The following GPHN variants were observed in gnomAD, a reference collection of about 807,000 sequenced individuals.
The protein encoded by GPHN is gephyrin.
GPHN carries 17 observed loss-of-function variants against 95.5 expected under a neutral mutation model. The ratio of observed to expected loss-of-function variants is 0.18; its 90% CI spans 0.12 to 0.27. The LOEUF is 0.27. Among genes scored for constraint, GPHN ranks in the 10% least tolerant of loss-of-function variants. The pLI is 1.00. For missense variants in GPHN, 660 were observed against 978.1 expected (o/e 0.67, Z 4.34); for synonymous variants, 320 against 322.5 (o/e 0.99, Z 0.08).
chr14:67,680,676 C>T, the GPHN span, among the ~76,000 whole-genome samples: 41 of 152,216 alleles, frequency 2.7e-4, no homozygotes, highest in African/African-American at 7.2e-4. Context: ...CTAGGCTGGT[C>T]TTGAACTCCT....
chr14:66,689,769 T>G (rs1209114605), intron 2 of GPHN, among the ~76,000 whole-genome samples: 1 of 152,148 alleles, frequency 6.6e-6, no homozygotes, highest in African/African-American at 2.4e-5. Flanking sequence ...TGTGGTAGGT[T>G]GTTTGTGTCC....
chr14:66,528,329 A>C lies in GPHN; in HGVS notation c.64+19738A>C, dbSNP rs574493798. 4.1e-3 allele frequency among the ~76,000 whole-genome samples: 627 copies of C among 152,006 alleles called. 1 individual carries two copies. Among genetic ancestry groups the C allele is most frequent in the Non-Finnish European group, 5.1e-3 (349 of 67,972 alleles). ...CCATTTGCTGTGTAAATATTCCTTCATCCCTTTATTTTTAGCCTATGTGTG... is the reference window on the plus strand; with the variant it reads ...CCATTTGCTGTGTAAATATTCCTTCCTCCCTTTATTTTTAGCCTATGTGTG... On this transcript the variant is annotated intron_variant, in intron 1 of 22. Coordinates refer to ENST00000478722, the MANE Select transcript of GPHN (RefSeq NM_020806.5).
At chr14:66,514,659 AATG>A (rs773324970) in intron 1 of GPHN, among the ~76,000 whole-genome samples, 6 of 152,124 alleles carry the variant, frequency 3.9e-5, no homozygotes, top group Non-Finnish European at 5.9e-5. Flanking sequence ...GAAATAGAAT[AATG>A]ATCAAAGAAG....
the GPHN span, chr14:67,333,660 T>C: frequency 6.6e-6 from 1 of 152,638 alleles, no homozygotes; most frequent in African/African-American, 2.4e-5. Flanking sequence ...ATACAAAATA[T>C]GCTGATCTTT....
At chr14:66,747,911 G>T (rs1388107887) in intron 2 of GPHN, among the ~76,000 whole-genome samples, 1 of 147,856 alleles carries the variant, frequency 6.8e-6, no homozygotes, top group African/African-American at 2.5e-5. Context: ...GTGAACTATA[G>T]TGTTAACATT....
intron 1 of GPHN, among the ~76,000 whole-genome samples, chr14:66,599,391 C>CTTTTTTTTTTTTTTTTTTTTTTTT (rs1566679513): frequency 2.7e-5 from 2 of 74,046 alleles, no homozygotes; most frequent in African/African-American, 3.2e-4. Flanking sequence ...TTTTTTTTTG[C>CTTTTTTTTTTTTTTTTTTTTTTTT]ATTTTTTTTT....
intron 10 of GPHN, among the ~76,000 whole-genome samples, chr14:67,036,501 GCACACACACACA>G (rs762967467): frequency 0.014 from 1,646 of 118,178 alleles, 15 homozygotes; most frequent in Admixed American, 0.025. Context: ...ATACATACAT[GCACACACACACA>G]CACACACACA....
chr14:66,837,072 G>A (rs1490892672), intron 4 of GPHN, among the ~76,000 whole-genome samples: 2 of 150,770 alleles, frequency 1.3e-5, no homozygotes, highest in East Asian at 3.9e-4. Context: ...AATACCATTT[G>A]ACCCAGCCAT....
At chr14:66,791,951 A>C (rs954268275) in intron 3 of GPHN, among the ~76,000 whole-genome samples, 1 of 152,236 alleles carries the variant, frequency 6.6e-6, no homozygotes, top group Non-Finnish European at 1.5e-5. Context: ...AAGGAGAAGG[A>C]AAAGTCACAT....
intron 1 of GPHN, among the ~76,000 whole-genome samples, chr14:66,513,458 T>C (rs962382517): frequency 7.9e-5 from 12 of 151,758 alleles, no homozygotes; most frequent in African/African-American, 2.9e-4. Flanking sequence ...CCTGGCTAAG[T>C]TGAACAGGGT....
chr14:67,586,321 C>T, the GPHN span: 1 of 1,318,158 alleles, frequency 7.6e-7, no homozygotes, highest in Non-Finnish European at 1.1e-6. Context: ...CTAACTCTGG[C>T]CTAGCTACTA....
intron 2 of GPHN, among the ~76,000 whole-genome samples, chr14:66,682,617 G>A (rs2067008020): frequency 6.6e-6 from 1 of 152,146 alleles, no homozygotes; most frequent in South Asian, 2.1e-4. Flanking sequence ...AGGCGTGGTG[G>A]CATGTGCCTG....
the GPHN span, among the ~76,000 whole-genome samples, chr14:67,372,633 A>G: frequency 2.0e-5 from 3 of 152,194 alleles, no homozygotes; most frequent in African/African-American, 7.2e-5. Flanking sequence ...GATTGAGACT[A>G]TCCTGGCCAA....
chr14:66,580,420 GT>G (rs1165314573), intron 1 of GPHN, among the ~76,000 whole-genome samples: 1 of 151,480 alleles, frequency 6.6e-6, no homozygotes, highest in Non-Finnish European at 1.5e-5. Context: ...GCTAAGAGTT[GT>G]TTTTTTAAAA....
At chr14:67,381,557 C>T in the GPHN span, 4 of 1,547,864 alleles carry the variant, frequency 2.6e-6, no homozygotes, top group Admixed American at 3.4e-5. Flanking sequence ...ATATTTTTTG[C>T]ATTTTTTATC....
the GPHN span, among the ~76,000 whole-genome samples, chr14:67,239,421 A>G: frequency 6.6e-6 from 1 of 152,204 alleles, no homozygotes; most frequent in African/African-American, 2.4e-5. Flanking sequence ...TAAACATCCT[A>G]TGATGCACAG....
At chr14:67,419,762 T>G in the GPHN span, among the ~76,000 whole-genome samples, 13 of 150,874 alleles carry the variant, frequency 8.6e-5, no homozygotes, top group Admixed American at 2.6e-4. Flanking sequence ...GGCAGGAGAA[T>G]GGCGTGAACC....
At chr14:67,678,491 G>A in the GPHN span, 4 of 1,047,014 alleles carry the variant, frequency 3.8e-6, no homozygotes, top group Admixed American at 1.8e-5. Flanking sequence ...CCAGGGATAA[G>A]GAATATGACA....
the GPHN span, chr14:67,473,515 G>T: frequency 6.2e-7 from 1 of 1,614,158 alleles, no homozygotes; most frequent in Non-Finnish European, 8.5e-7. The surrounding 1 kb of genome is among the most constrained non-coding windows in gnomAD (Gnocchi z 6.5). Flanking sequence ...AGGGTGTTGC[G>T]GATGATGAAC....
Sources: allele counts gnomAD v4.1 joint callset (sites outside exome capture counted in the v4.1 genomes callset), GRCh38; gene constraint gnomAD v4.1.1; non-coding constraint Gnocchi (gnomAD v3.1); transcripts MANE v1.5; gene names NCBI Gene and HGNC (gene_info 2026-07-23, HGNC 2026-07-21).